The following TDRD9 variants were observed in gnomAD, a reference collection of about 807,000 sequenced individuals.
TDRD9 encodes tudor domain containing 9.
TDRD9 carries 124 observed loss-of-function variants against 172.6 expected under a neutral mutation model. That is an observed-to-expected ratio of 0.72 (90% confidence interval 0.62 to 0.83). The LOEUF (loss-of-function observed/expected upper bound fraction) is 0.83. TDRD9 is among the 40% of genes least tolerant of loss of function. The probability of loss-of-function intolerance (pLI) is 0.00; values close to 1 mark genes in which losing one functional copy is unlikely to be tolerated. For synonymous variants in TDRD9, 619 were observed against 617.1 expected, an observed-to-expected ratio of 1.00 and a Z score of -0.05; for missense variants, 1,479 against 1,714.1, an observed-to-expected ratio of 0.86 and a Z score of 2.42.
intron 13 of TDRD9, among the ~76,000 whole-genome samples, chr14:104,000,924 T>C (rs995971741): frequency 7.9e-5 from 12 of 152,324 alleles, no homozygotes; most frequent in African/African-American, 2.4e-4. Context: ...TAATTAGATA[T>C]TTATTATAAA....
At position 104,006,437 on chromosome 14, in the gene TDRD9, G is replaced by A. The variant is rs894934908; in HGVS notation, c.1762G>A (p.Asp588Asn). The A allele has an allele frequency of 3.7e-6, 6 of 1,613,802 alleles. No individual in the cohort carries two copies. Among genetic ancestry groups the A allele is most frequent in the African/African-American group, 1.3e-5 (1 of 74,932 alleles). ...SGQREDENPH[D>N]GELTFLGRVL... ...GCAGAGAGAAGATGAAAACCCCCAT[G>A]ATGGTGAATTGACCTTCTTAGGAAG... Residue 588 changes from aspartate (D) to asparagine (N), a missense_variant, in exon 16 of 36, where the codon GAT (aspartate) becomes AAT (asparagine). By Grantham distance (23) the Asp-to-Asn change is conservative. This residue lies in a region of TDRD9 where 1,413 missense variants were observed against 1,649.1 expected (regional missense o/e 0.86). Coordinates refer to ENST00000409874, the MANE Select transcript of TDRD9 (RefSeq NM_153046.3).
intron 13 of TDRD9, 21 bp downstream of exon 13, chr14:103,998,749 C>A (rs773633772): frequency 4.0e-6 from 5 of 1,261,782 alleles, no homozygotes; most frequent in South Asian, 3.7e-5. Flanking sequence ...TGTGTTAAAG[C>A]ACAATAATGA....
rs1165820772 is a variant in TDRD9, at chr14:103,954,455, G to A, written c.216-1209G>A. On this transcript the variant is annotated intron_variant, in intron 1 of 35. Coordinates refer to ENST00000409874, the MANE Select transcript of TDRD9 (RefSeq NM_153046.3). Reference sequence around the variant, plus strand: ...TTCCTGCTATATCTTTAGTGTTGGAGACAGTGCCTTTTGTGCAGTAGGTGT... The same window carrying A: ...TTCCTGCTATATCTTTAGTGTTGGAAACAGTGCCTTTTGTGCAGTAGGTGT... Among the ~76,000 whole-genome samples, 6 of 152,278 alleles carry A rather than the reference G, an allele frequency of 3.9e-5. No individual in the cohort carries two copies. The East Asian group carries it at 1.2e-3, about 29-fold the overall frequency.
Position 103,970,697 on chromosome 14 carries a change from T to C in TDRD9, c.846+76T>C. The C allele has an allele frequency of 6.7e-6, 8 of 1,197,808 alleles. No homozygotes were observed. In the South Asian group the frequency reaches 9.3e-5, roughly 14 times the overall value. The allele number at this position is 1,197,808 out of a possible 1,614,324, so 74.2% of individuals were successfully genotyped here. A position where few individuals can be genotyped will look rare whatever the true frequency, so the allele number is the denominator to read the frequency against. On this transcript the variant is annotated intron_variant, in intron 6 of 35. Coordinates refer to ENST00000409874, the MANE Select transcript of TDRD9 (RefSeq NM_153046.3). The stretch of plus-strand genomic sequence containing the variant: ...TTTAGTTTTGTTTCTCTCTATAGTC[T>C]GTTGGTGTCTATAGAGCATTCTGGG...
chr14:103,933,649 C>T (rs777876382), intron 1 of TDRD9, among the ~76,000 whole-genome samples: 5 of 152,202 alleles, frequency 3.3e-5, no homozygotes, highest in African/African-American at 7.2e-5. Flanking sequence ...CTCAAGCAAT[C>T]TGCCTGCCTC....
In TDRD9 at chr14:103,998,701, T is replaced by A; in HGVS notation, c.1456T>A (p.Ser486Thr). ...NYQSLRLSWA[S>T]KTSCNQRKGR... Reference sequence around the variant, plus strand: ...TCAGAGTCTGCGATTGAGTTGGGCTTCTAAAACCAGCTGTAATCAGAGAAA... The same window carrying A: ...TCAGAGTCTGCGATTGAGTTGGGCTACTAAAACCAGCTGTAATCAGAGAAA... The change falls in exon 13 of 36, where the codon TCT (serine) becomes ACT (threonine). Residue 486 changes from serine (S) to threonine (T), a missense_variant. Physicochemically the swap from Ser to Thr is moderately conservative, Grantham distance 58. Coordinates refer to ENST00000409874, the MANE Select transcript of TDRD9 (RefSeq NM_153046.3). The A allele has an allele frequency of 6.3e-7, 1 of 1,597,030 alleles. No homozygotes were observed. Among genetic ancestry groups the A allele is most frequent in the Non-Finnish European group, 8.6e-7 (1 of 1,164,490 alleles).
At chr14:103,944,382 A>G (rs2031445065) in intron 1 of TDRD9, among the ~76,000 whole-genome samples, 1 of 152,094 alleles carries the variant, frequency 6.6e-6, no homozygotes, top group South Asian at 2.1e-4. Flanking sequence ...ATGTATCCAC[A>G]TAGTAATTCT....
At chr14:104,024,777 C>G (rs2035065334) in intron 25 of TDRD9, 97 bp downstream of exon 25, 15 of 489,782 alleles carry the variant, frequency 3.1e-5, no homozygotes, top group Admixed American at 7.1e-5. Flanking sequence ...CACACACACA[C>G]ACACACACAC....
chr14:104,038,143 C>A (rs933642030), intron 32 of TDRD9, among the ~76,000 whole-genome samples: 2 of 152,118 alleles, frequency 1.3e-5, no homozygotes, highest in African/African-American at 4.8e-5. Flanking sequence ...GAGGCTAAGT[C>A]ACGTGTTGAG....
chr14:104,001,783 A>G (rs2034268720), intron 13 of TDRD9, among the ~76,000 whole-genome samples: 1 of 151,668 alleles, frequency 6.6e-6, no homozygotes, highest in African/African-American at 2.4e-5. Flanking sequence ...TAATTTTTGT[A>G]TTTTTAGTAG....
intron 24 of TDRD9, 139 bp from the exon 25 acceptor site, chr14:104,024,430 A>G (rs890456345): frequency 4.3e-5 from 23 of 528,818 alleles, no homozygotes; most frequent in Non-Finnish European, 6.6e-5. Context: ...CAAATTTGTC[A>G]TCTCTGGCTT....
rs181907769 is a variant in TDRD9 at position 104,017,715 on chromosome 14, C to T, written c.2332-377C>T. Among the ~76,000 whole-genome samples, 629 of 151,858 alleles carry T rather than the reference C, an allele frequency of 4.1e-3. 7 individuals carry two copies. The highest frequency in any genetic ancestry group is 0.015 in the African/African-American group (604 of 41,438). ...GTGATGAGGAAATACATATTCCTCT[C>T]ATTAGTTAGACATTTTCCTTTAAAG... On this transcript the variant is annotated intron_variant, in intron 22 of 35. Transcript: ENST00000409874.
At chr14:104,014,676 G>C in intron 20 of TDRD9, 49 bp from the exon 21 acceptor site, 1 of 1,082,284 alleles carries the variant, frequency 9.2e-7, no homozygotes, top group Non-Finnish European at 1.4e-6. Context: ...TCACTGCTCT[G>C]ATGACATATG....
At chr14:103,992,894 C>T (rs1431737596) in intron 9 of TDRD9, among the ~76,000 whole-genome samples, 1 of 138,170 alleles carries the variant, frequency 7.2e-6, no homozygotes, top group African/African-American at 2.8e-5. Flanking sequence ...CACTGCACTC[C>T]AGCCTGGGAG....
At chr14:104,040,876 T>C (rs1219697564) in intron 33 of TDRD9, among the ~76,000 whole-genome samples, 1 of 152,242 alleles carries the variant, frequency 6.6e-6, no homozygotes, top group African/African-American at 2.4e-5. Flanking sequence ...ACAAAGTATT[T>C]GTATGTCATT....
rs781137313 is a variant in TDRD9, at chr14:104,026,734, G to A, written c.3077G>A (p.Gly1026Asp). Residue 1026 changes from glycine to aspartate, a missense_variant, in exon 28 of 36, where the codon GGC becomes GAC. By Grantham distance (94) the Gly-to-Asp change is moderately conservative. Transcript: ENST00000409874. ...MRPSAKSLVC[G>D]KHWSDGASQW... ...CCATCAGCAAAGTCTCTTGTTTGTG[G>A]CAAGCACTGGAGTGACGGGGCCAGC... The A allele has an allele frequency of 6.2e-7, 1 of 1,613,974 alleles. No homozygotes were observed. The highest frequency in any genetic ancestry group is 8.5e-7 in the Non-Finnish European group (1 of 1,179,870).
intron 24 of TDRD9, among the ~76,000 whole-genome samples, chr14:104,023,040 G>A (rs11628540): frequency 0.51 from 77,792 of 151,480 alleles, 21,304 homozygotes; most frequent in South Asian, 0.63. Flanking sequence ...AAATTAGCCG[G>A]GTGTGGTGGC....
At chr14:103,953,699 G>A (rs1027855962) in intron 1 of TDRD9, among the ~76,000 whole-genome samples, 14 of 152,162 alleles carry the variant, frequency 9.2e-5, no homozygotes, top group East Asian at 3.8e-4. Context: ...ACCTGGGATG[G>A]GAGATGGCTG....
At chr14:103,982,687 C>T (rs1269004553) in intron 7 of TDRD9, among the ~76,000 whole-genome samples, 1 of 152,178 alleles carries the variant, frequency 6.6e-6, no homozygotes, top group Non-Finnish European at 1.5e-5. Flanking sequence ...AGGCGGATCA[C>T]CTGAGGTTGG....
Sources: allele counts gnomAD v4.1 joint callset (sites outside exome capture counted in the v4.1 genomes callset), GRCh38; gene constraint gnomAD v4.1.1; regional missense constraint gnomAD v4.1.1; transcripts MANE v1.5; gene names NCBI Gene and HGNC (gene_info 2026-07-23, HGNC 2026-07-21).